Variants in DSCAML1 observed in about 807,000 individuals in gnomAD.
The protein encoded by DSCAML1 is DS cell adhesion molecule like 1.
Under a neutral mutation model 200.5 loss-of-function variants are expected in DSCAML1, and 38 were observed. That is an observed-to-expected ratio of 0.19 (90% confidence interval 0.15 to 0.25). DSCAML1 has a LOEUF of 0.25. Ranked by LOEUF, DSCAML1 falls within the 10% of genes least tolerant of loss-of-function variation. DSCAML1 has a pLI of 1.00. For synonymous variants in DSCAML1, 1,215 were observed against 1,165.0 expected (o/e 1.04, Z -0.87); for missense variants, 2,223 against 2,858.8 (o/e 0.78, Z 5.07).
chr11:117,476,637 T>C (rs2048799103), intron 14 of DSCAML1, among the ~76,000 whole-genome samples: 1 of 152,126 alleles, frequency 6.6e-6, no homozygotes, highest in Non-Finnish European at 1.5e-5. Flanking sequence ...AGGGGCGAAA[T>C]GTGGTGTCTG....
intron 16 of DSCAML1, among the ~76,000 whole-genome samples, chr11:117,468,510 C>T (rs2048626618): frequency 6.6e-6 from 1 of 152,236 alleles, no homozygotes; most frequent in Admixed American, 6.5e-5. Flanking sequence ...CCTGCCCCCA[C>T]CTCCTGGCTG....
At chr11:117,450,827 G>T in intron 19 of DSCAML1, 139 bp from the exon 20 acceptor site, 1 of 964,188 alleles carries the variant, frequency 1.0e-6, no homozygotes, top group Non-Finnish European at 1.5e-6. Flanking sequence ...GGTTTAGAAG[G>T]GGAGGGTCCA....
chr11:117,625,253 C>T (rs1240632645), intron 3 of DSCAML1, among the ~76,000 whole-genome samples: 3 of 152,056 alleles, frequency 2.0e-5, no homozygotes, highest in Non-Finnish European at 4.4e-5. Context: ...GGGAAAGTAC[C>T]CTCTGGCTTT....
At chr11:117,526,801 C>T (rs965474716) in intron 4 of DSCAML1, among the ~76,000 whole-genome samples, 2 of 152,140 alleles carry the variant, frequency 1.3e-5, no homozygotes, top group Non-Finnish European at 2.9e-5. Flanking sequence ...CAGGCATGAG[C>T]CACCGTGCCC....
intron 3 of DSCAML1, among the ~76,000 whole-genome samples, chr11:117,722,404 T>C (rs11216515): frequency 0.16 from 23,814 of 151,122 alleles, 2,375 homozygotes; most frequent in East Asian, 0.31. Flanking sequence ...CAGGGAGAGG[T>C]TGATTAACAG....
chr11:117,781,069 G>C (rs956256175), intron 1 of DSCAML1, among the ~76,000 whole-genome samples: 3 of 152,142 alleles, frequency 2.0e-5, no homozygotes, highest in African/African-American at 7.2e-5. Flanking sequence ...GGCCGAGGCG[G>C]GCGGATCACC....
chr11:117,748,621 G>C (rs900696505), intron 3 of DSCAML1, among the ~76,000 whole-genome samples: 1 of 152,182 alleles, frequency 6.6e-6, no homozygotes, highest in African/African-American at 2.4e-5. Context: ...GTCCTCTTTC[G>C]CCTGCAATCC....
At chr11:117,786,355 G>A (rs1018144947) in intron 1 of DSCAML1, among the ~76,000 whole-genome samples, 1 of 152,220 alleles carries the variant, frequency 6.6e-6, no homozygotes, top group Non-Finnish European at 1.5e-5. Context: ...CATAAAACAG[G>A]CTCCAAATTG....
intron 11 of DSCAML1, among the ~76,000 whole-genome samples, chr11:117,486,419 GT>G (rs1359102129): frequency 4.7e-5 from 7 of 150,502 alleles, no homozygotes; most frequent in African/African-American, 7.3e-5. Flanking sequence ...AGTGGCGGAT[GT>G]GAAAATGGCG....
At chr11:117,551,215 A>C (rs1459466800) in intron 3 of DSCAML1, among the ~76,000 whole-genome samples, 1 of 152,242 alleles carries the variant, frequency 6.6e-6, no homozygotes, top group Non-Finnish European at 1.5e-5. Context: ...GTGCAAACAA[A>C]AAGTTTGGGG....
At chr11:117,589,115 G>C (rs1394522305) in intron 3 of DSCAML1, among the ~76,000 whole-genome samples, 2 of 152,196 alleles carry the variant, frequency 1.3e-5, no homozygotes, top group East Asian at 3.8e-4. Flanking sequence ...CCTCAGATGG[G>C]ACTGGTGGCC....
intron 3 of DSCAML1, among the ~76,000 whole-genome samples, chr11:117,656,505 A>ATCTT (rs930848699): frequency 7.3e-6 from 1 of 136,756 alleles, no homozygotes; most frequent in Non-Finnish European, 1.6e-5. Flanking sequence ...TCATCTATCT[A>ATCTT]TCTATCTATC....
intron 3 of DSCAML1, among the ~76,000 whole-genome samples, chr11:117,605,782 T>G (rs1248744488): frequency 6.6e-6 from 1 of 152,162 alleles, no homozygotes; most frequent in Non-Finnish European, 1.5e-5. Flanking sequence ...TGGAGCCAGG[T>G]GACCTGGACT....
chr11:117,516,436 G>A lies in DSCAML1; in HGVS notation c.1783+31C>T. On this transcript the variant is annotated intron_variant, in intron 8 of 32. Transcript: ENST00000651296. The surrounding 1 kb of genome is among the most constrained non-coding windows in gnomAD (Gnocchi z 5.7). Reference sequence around the variant, plus strand: ...CCACGCATCCTGGGTGGTCAGGCGGGCAGGGGCCCTGGCTGGTGAGGGAGG... The same window carrying A: ...CCACGCATCCTGGGTGGTCAGGCGGACAGGGGCCCTGGCTGGTGAGGGAGG... 1 of 1,597,932 alleles carries A rather than the reference G, an allele frequency of 6.3e-7. No homozygotes were observed. Among genetic ancestry groups the A allele is most frequent in the Non-Finnish European group, 8.5e-7 (1 of 1,170,548 alleles).
chr11:117,503,025 G>A lies in DSCAML1; in HGVS notation c.2359+820C>T. 6.6e-6 allele frequency among the ~76,000 whole-genome samples: 1 copy of A among 152,164 alleles called. No homozygotes were observed. Among genetic ancestry groups the A allele is most frequent in the Non-Finnish European group, 1.5e-5 (1 of 68,042 alleles). On this transcript the variant is annotated intron_variant, in intron 11 of 32. Transcript: ENST00000651296. The surrounding 1 kb of genome is among the most constrained non-coding windows in gnomAD (Gnocchi z 5.2). The stretch of plus-strand genomic sequence containing the variant: ...GCCAGATGGACGTGGCCCTTCTGAT[G>A]TGATTCCCAGGAATCCATTATACAG...
rs59327038 is a variant in DSCAML1, at chr11:117,638,315, A to AGTGTGTGTGTGT, written c.512-105805_512-105794dup. ...CATCCTAGTTCCACACAAGATAGCA[A>AGTGTGTGTGTGT]GTGTGTGTGTGTGTGTGTGTGTGTG... is the stretch of plus-strand genomic sequence containing the variant. On this transcript the variant is annotated intron_variant, in intron 3 of 32. Coordinates refer to ENST00000651296, the MANE Select transcript of DSCAML1 (RefSeq NM_020693.4). Among the ~76,000 whole-genome samples, 212 of 135,218 alleles carry AGTGTGTGTGTGT rather than the reference A, an allele frequency of 1.6e-3. 3 individuals are homozygous for AGTGTGTGTGTGT. Among genetic ancestry groups the AGTGTGTGTGTGT allele is most frequent in the South Asian group, 5.0e-3 (18 of 3,588 alleles). The allele number at this position is 135,218 out of a possible 152,430, so 88.7% of individuals were successfully genotyped here.
intron 3 of DSCAML1, among the ~76,000 whole-genome samples, chr11:117,637,802 C>T (rs900472000): frequency 1.3e-5 from 2 of 152,218 alleles, no homozygotes; most frequent in African/African-American, 2.4e-5. Flanking sequence ...TGGCTTCCCC[C>T]CAAAAGCCAA....
At chr11:117,676,368 A>G (rs1468210376) in intron 3 of DSCAML1, among the ~76,000 whole-genome samples, 1 of 152,212 alleles carries the variant, frequency 6.6e-6, no homozygotes, top group Admixed American at 6.5e-5. Flanking sequence ...TTCTTCTGCC[A>G]TTCAACATCT....
At chr11:117,455,565 C>G (rs901810166) in intron 19 of DSCAML1, among the ~76,000 whole-genome samples, 3 of 152,250 alleles carry the variant, frequency 2.0e-5, no homozygotes, top group Admixed American at 6.5e-5. Context: ...AAACCACGCT[C>G]AGACTGAGAT....
Sources: allele counts gnomAD v4.1 joint callset (sites outside exome capture counted in the v4.1 genomes callset), GRCh38; gene constraint gnomAD v4.1.1; non-coding constraint Gnocchi (gnomAD v3.1); transcripts MANE v1.5; gene names NCBI Gene and HGNC (gene_info 2026-07-23, HGNC 2026-07-21).